Variants in GALK2 observed in about 807,000 individuals in gnomAD.
GALK2 encodes galactokinase 2.
In GALK2, 36 loss-of-function variants were observed where a neutral mutation model predicts 52.4. The observed-to-expected ratio is 0.69, with a 90% CI of 0.53 to 0.91. The LOEUF (loss-of-function observed/expected upper bound fraction) is 0.91, where lower values mean the gene tolerates loss of function less well. Ranked by LOEUF, GALK2 falls within the 40% of genes least tolerant of loss-of-function variation. GALK2 has a pLI of 0.00. For synonymous variants in GALK2, 176 were observed against 199.1 expected (o/e 0.88, Z 0.98); for missense variants, 579 against 559.1 (o/e 1.04, Z -0.36).
At chr15:49,320,783 G>T (rs1701418308) in intron 9 of GALK2, among the ~76,000 whole-genome samples, 1 of 152,184 alleles carries the variant, frequency 6.6e-6, no homozygotes, top group Admixed American at 6.5e-5. Flanking sequence ...TCCCCAGCTT[G>T]TTTCATTTTA....
intron 5 of GALK2, among the ~76,000 whole-genome samples, chr15:49,240,148 G>A (rs2091020893): frequency 6.6e-6 from 1 of 152,178 alleles, no homozygotes; most frequent in Non-Finnish European, 1.5e-5. Flanking sequence ...CAAAGGTTCA[G>A]ACAGAATCCT....
At chr15:49,159,773 A>G (rs1350971591) in intron 1 of GALK2, among the ~76,000 whole-genome samples, 3 of 152,158 alleles carry the variant, frequency 2.0e-5, no homozygotes, top group Admixed American at 6.5e-5. Context: ...TTTTATTATG[A>G]TAAATTTCAA....
At chr15:49,196,589 G>A (rs1287639029) in intron 1 of GALK2, among the ~76,000 whole-genome samples, 1 of 152,016 alleles carries the variant, frequency 6.6e-6, no homozygotes, top group African/African-American at 2.4e-5. Flanking sequence ...CCTATTATCA[G>A]GGTAAAATGT....
chr15:49,186,360 A>G (rs2086339619), intron 1 of GALK2, among the ~76,000 whole-genome samples: 1 of 151,916 alleles, frequency 6.6e-6, no homozygotes, highest in Non-Finnish European at 1.5e-5. Context: ...CTTCAAGCTC[A>G]CTAATTCTTT....
chr15:49,204,656 T>C (rs2141322996), intron 2 of GALK2, among the ~76,000 whole-genome samples: 1 of 152,322 alleles, frequency 6.6e-6, no homozygotes, highest in East Asian at 1.9e-4. Flanking sequence ...ATAGAAACAC[T>C]AGTGATTTTA....
intron 5 of GALK2, among the ~76,000 whole-genome samples, chr15:49,281,738 T>C (rs1368769180): frequency 6.6e-6 from 1 of 152,186 alleles, no homozygotes; most frequent in East Asian, 1.9e-4. Context: ...GTGGAGACTA[T>C]TAGGGATGGC....
chr15:49,162,645 T>A (rs940003398), intron 1 of GALK2, among the ~76,000 whole-genome samples: 5 of 152,242 alleles, frequency 3.3e-5, no homozygotes, highest in African/African-American at 1.2e-4. Flanking sequence ...GATTACATTA[T>A]ACAAGATTGT....
intron 3 of GALK2, among the ~76,000 whole-genome samples, chr15:49,224,093 A>G (rs1328528776): frequency 6.6e-6 from 1 of 151,792 alleles, no homozygotes; most frequent in African/African-American, 2.4e-5. Context: ...TTCTGACTGG[A>G]GTGAGATGGT....
At chr15:49,194,824 C>G (rs770549658) in intron 1 of GALK2, among the ~76,000 whole-genome samples, 1 of 151,622 alleles carries the variant, frequency 6.6e-6, no homozygotes, top group Non-Finnish European at 1.5e-5. Flanking sequence ...TGAACTTCCT[C>G]CCTCAGGTGA....
At chr15:49,219,838 A>C (rs1033164369) in intron 3 of GALK2, among the ~76,000 whole-genome samples, 1 of 152,136 alleles carries the variant, frequency 6.6e-6, no homozygotes, top group African/African-American at 2.4e-5. Context: ...CTGCTTGCCA[A>C]AGTTGTATAA....
chr15:49,299,202 G>T (rs1567036462), intron 8 of GALK2, among the ~76,000 whole-genome samples: 1 of 151,920 alleles, frequency 6.6e-6, no homozygotes. Context: ...GTGTCTGAGG[G>T]TTTTTTGTAT....
At chr15:49,296,993 T>C (rs1476326548) in intron 8 of GALK2, among the ~76,000 whole-genome samples, 2 of 152,244 alleles carry the variant, frequency 1.3e-5, no homozygotes, top group East Asian at 1.9e-4. Context: ...TTTAAGTTCT[T>C]TGAGAAATCT....
intron 3 of GALK2, among the ~76,000 whole-genome samples, chr15:49,218,888 C>T (rs369473342): frequency 1.6e-4 from 24 of 152,222 alleles, no homozygotes; most frequent in South Asian, 6.2e-4. Flanking sequence ...TGTAGTGGGG[C>T]GATCTCAGCT....
At chr15:49,164,906 T>G (rs372503858) in intron 1 of GALK2, among the ~76,000 whole-genome samples, 1 of 152,078 alleles carries the variant, frequency 6.6e-6, no homozygotes, top group East Asian at 1.9e-4. Flanking sequence ...TGCAAATTTC[T>G]AATTTCAGAG....
At position 49,280,413 on chromosome 15, in the gene GALK2, A is replaced by C. The variant is rs1423588547; in HGVS notation, c.505-1574A>C. Among the ~76,000 whole-genome samples the C allele has an allele frequency of 2.6e-5, 4 of 152,294 alleles. No individual in the cohort carries two copies. The East Asian group carries it at 7.7e-4, about 29-fold the overall frequency. On this transcript the variant is annotated intron_variant, in intron 5 of 9. Coordinates refer to ENST00000560031, the MANE Select transcript of GALK2 (RefSeq NM_002044.4). ...AGAATGGAAAATCATATTTGTAAAG[A>C]CAATGAGATGTGAAAGAGCCTGCGG... is the stretch of plus-strand genomic sequence containing the variant.
chr15:49,239,828 G>A (rs551323121), intron 5 of GALK2, among the ~76,000 whole-genome samples: 13 of 152,292 alleles, frequency 8.5e-5, no homozygotes, highest in East Asian at 5.8e-4. Context: ...ATTACAAGAC[G>A]AAATGCTTAT....
At chr15:49,228,447 A>T (rs2090264027) in intron 3 of GALK2, among the ~76,000 whole-genome samples, 1 of 150,654 alleles carries the variant, frequency 6.6e-6, no homozygotes, top group African/African-American at 2.4e-5. Flanking sequence ...TGACTGTGTT[A>T]TTTCAAAAGA....
At chr15:49,319,919 A>G (rs1567059967) in intron 9 of GALK2, 114 bp downstream of exon 9, 6 of 855,260 alleles carry the variant, frequency 7.0e-6, no homozygotes, top group African/African-American at 1.7e-5. Context: ...CCCACTTCCT[A>G]TATGAGGAGT....
intron 1 of GALK2, among the ~76,000 whole-genome samples, chr15:49,178,161 C>G (rs1483188193): frequency 4.0e-5 from 3 of 75,680 alleles, no homozygotes; most frequent in Non-Finnish European, 7.2e-5. Context: ...GAGCAAGACT[C>G]TGTTTCAAAA....
Sources: gnomAD v4.1 joint callset for allele counts (sites outside exome capture counted in the v4.1 genomes callset) on GRCh38, gnomAD v4.1.1 for gene constraint, MANE v1.5 for transcripts, NCBI Gene and HGNC (gene_info 2026-07-23, HGNC 2026-07-21) for gene names.